The following EYS variants were observed in gnomAD, a reference collection of about 807,000 sequenced individuals.
EYS encodes protein eyes shut homolog.
Under a neutral mutation model 282.1 loss-of-function variants are expected in EYS, and 250 were observed. The observed-to-expected ratio is 0.89, with a 90% confidence interval of 0.80 to 0.98. The LOEUF (loss-of-function observed/expected upper bound fraction) is 0.98, where lower values mean the gene tolerates loss of function less well. EYS is among the 50% of genes least tolerant of loss of function. EYS has a pLI of 0.00. For missense variants in EYS, 4,016 were observed against 3,709.0 expected (o/e 1.08, Z -2.15); for synonymous variants, 1,355 against 1,282.9 (o/e 1.06, Z -1.20).
At chr6:64,782,382 T>C (rs1410475161) in intron 22 of EYS, among the ~76,000 whole-genome samples, 2 of 152,190 alleles carry the variant, frequency 1.3e-5, no homozygotes, top group Non-Finnish European at 2.9e-5. Flanking sequence ...TTTAGGGTCA[T>C]GAAGCAGGCA....
intron 30 of EYS, among the ~76,000 whole-genome samples, chr6:64,304,827 T>C (rs1159199526): frequency 6.6e-6 from 1 of 151,910 alleles, no homozygotes; most frequent in Non-Finnish European, 1.5e-5. Context: ...CAAATAAAAA[T>C]GAAAATACAA....
chr6:63,737,910 C>T (rs1338107877), intron 41 of EYS, among the ~76,000 whole-genome samples: 3 of 152,024 alleles, frequency 2.0e-5, no homozygotes. Flanking sequence ...ACAACCCCAT[C>T]AAAAAGTGGG....
intron 34 of EYS, among the ~76,000 whole-genome samples, chr6:63,992,193 GAATACTGT>G (rs1582093148): frequency 6.6e-6 from 1 of 151,734 alleles, no homozygotes; most frequent in African/African-American, 2.4e-5. Flanking sequence ...TACAAATATA[GAATACTGT>G]AATACTGTAA....
intron 26 of EYS, among the ~76,000 whole-genome samples, chr6:64,536,390 T>G (rs1007850168): frequency 1.3e-5 from 2 of 152,128 alleles, no homozygotes; most frequent in Admixed American, 1.3e-4. Context: ...AATAAGTCAT[T>G]TATTCAGTGA....
At chr6:63,807,692 A>C (rs1770941819) in intron 36 of EYS, among the ~76,000 whole-genome samples, 1 of 152,134 alleles carries the variant, frequency 6.6e-6, no homozygotes, top group Admixed American at 6.5e-5. Flanking sequence ...GTTAAATGTA[A>C]TTTTCTCAAA....
intron 12 of EYS, among the ~76,000 whole-genome samples, chr6:65,238,180 C>T (rs1369021676): frequency 6.6e-6 from 1 of 151,022 alleles, no homozygotes; most frequent in Non-Finnish European, 1.5e-5. Flanking sequence ...CTATTAATTC[C>T]TGTTATATTT....
At chr6:64,230,414 T>G (rs1480346326) in intron 31 of EYS, among the ~76,000 whole-genome samples, 178 bp downstream of exon 31, 1 of 152,222 alleles carries the variant, frequency 6.6e-6, no homozygotes, top group African/African-American at 2.4e-5. Flanking sequence ...ATCTTAGGTT[T>G]GCTTCTACAA....
chr6:63,984,474 T>C lies in EYS; in HGVS notation c.6964A>G (p.Ile2322Val), dbSNP rs1483907131. 1 of 1,548,188 alleles carries C rather than the reference T, an allele frequency of 6.5e-7. No homozygotes were observed. The highest frequency in any genetic ancestry group is 8.7e-7 in the Non-Finnish European group (1 of 1,144,166). ...LQVNNKEFFI[I>V]DEARHGKNIE... Reference sequence around the variant, plus strand: ...TTCTTTCCATGTCGTGCTTCATCGATGATGAAGAATTCTTTGTTGTTTACT... The same window carrying C: ...TTCTTTCCATGTCGTGCTTCATCGACGATGAAGAATTCTTTGTTGTTTACT... Residue 2322 changes from isoleucine (I) to valine (V), a missense_variant, in exon 35 of 43, where the codon ATC becomes GTC. By Grantham distance (29) the Ile-to-Val change is conservative (BLOSUM62 3). Transcript: ENST00000503581.
intron 36 of EYS, among the ~76,000 whole-genome samples, chr6:63,863,675 C>CTTTTCTTTTCTTTTCTTTTCTTTTTTT (rs1772597256): frequency 3.3e-5 from 2 of 60,058 alleles, no homozygotes; most frequent in African/African-American, 1.1e-4. Flanking sequence ...TTTCTTTTTT[C>CTTTTCTTTTCTTTTCTTTTCTTTTTTT]TTTTTTTTTT....
intron 12 of EYS, among the ~76,000 whole-genome samples, chr6:65,195,635 A>G (rs1363306784): frequency 2.0e-5 from 3 of 152,130 alleles, no homozygotes; most frequent in East Asian, 3.9e-4. Flanking sequence ...CAGAGAGCTA[A>G]GTATATTGCT....
chr6:63,836,387 C>A (rs1486384626), intron 36 of EYS, among the ~76,000 whole-genome samples: 1 of 150,172 alleles, frequency 6.7e-6, no homozygotes, highest in African/African-American at 2.5e-5. Flanking sequence ...ACATTTCTAG[C>A]AAAATAAGAA....
At chr6:65,689,408 A>G (rs1769154328) in intron 1 of EYS, among the ~76,000 whole-genome samples, 1 of 149,890 alleles carries the variant, frequency 6.7e-6, no homozygotes, top group Admixed American at 6.7e-5. Flanking sequence ...TAGCATTTGG[A>G]GATATACCTA....
At chr6:65,687,421 T>C (rs1211268034) in intron 1 of EYS, among the ~76,000 whole-genome samples, 2 of 152,068 alleles carry the variant, frequency 1.3e-5, no homozygotes, top group African/African-American at 4.8e-5. Flanking sequence ...CAAGGTCAAA[T>C]AACTCCCTAC....
intron 29 of EYS, among the ~76,000 whole-genome samples, chr6:64,383,264 G>A (rs930070906): frequency 6.6e-6 from 1 of 152,210 alleles, no homozygotes; most frequent in Admixed American, 6.5e-5. Context: ...TTGCACCAGT[G>A]CACTTCAGCC....
At chr6:64,786,892 A>G (rs1207867797) in intron 22 of EYS, among the ~76,000 whole-genome samples, 1 of 152,196 alleles carries the variant, frequency 6.6e-6, no homozygotes, top group African/African-American at 2.4e-5. Context: ...CTTCACTCTG[A>G]GGAGATGAGG....
chr6:65,402,120 AAT>A (rs1411435481), intron 7 of EYS, among the ~76,000 whole-genome samples: 7 of 151,718 alleles, frequency 4.6e-5, no homozygotes, highest in African/African-American at 9.7e-5. Context: ...AAAATATTTC[AAT>A]ATTATATATG....
intron 35 of EYS, among the ~76,000 whole-genome samples, chr6:63,963,509 A>G (rs1372001840): frequency 6.6e-6 from 1 of 152,218 alleles, no homozygotes; most frequent in Non-Finnish European, 1.5e-5. Flanking sequence ...TCAAGAAAGA[A>G]TAACACGAAA....
At chr6:64,867,508 A>G (rs1368803796) in intron 19 of EYS, among the ~76,000 whole-genome samples, 1 of 151,720 alleles carries the variant, frequency 6.6e-6, no homozygotes, top group Non-Finnish European at 1.5e-5. Flanking sequence ...CCTATGACAC[A>G]TAGAGCAAAA....
At chr6:64,606,125 A>T (rs576886788) in intron 24 of EYS, among the ~76,000 whole-genome samples, 1 of 151,934 alleles carries the variant, frequency 6.6e-6, no homozygotes, top group Admixed American at 6.6e-5. Flanking sequence ...GTTTCTTAGG[A>T]TAAAAAAAAT....
Sources: gnomAD v4.1 joint callset for allele counts (sites outside exome capture counted in the v4.1 genomes callset) on GRCh38, gnomAD v4.1.1 for gene constraint, MANE v1.5 for transcripts, NCBI Gene and HGNC (gene_info 2026-07-23, HGNC 2026-07-21) for gene names.